Variants in RBFOX1 observed in about 807,000 individuals in gnomAD.
RBFOX1 encodes RNA binding fox-1 homolog 1.
RBFOX1 carries 8 observed loss-of-function variants against 57.7 expected under a neutral mutation model. That is an observed-to-expected ratio of 0.14 (90% CI 0.08 to 0.25). The LOEUF (loss-of-function observed/expected upper bound fraction) is 0.25. Among genes scored for constraint, RBFOX1 ranks in the 10% least tolerant of loss-of-function variants. The pLI is 1.00. For missense variants in RBFOX1, 611 were observed against 548.5 expected, an observed-to-expected ratio of 1.11 and a Z score of -1.14; for synonymous variants, 326 against 222.4, an observed-to-expected ratio of 1.47 and a Z score of -4.15.
At chr16:7,292,118 TATATA>T (rs1200765577) in intron 4 of RBFOX1, among the ~76,000 whole-genome samples, 165 of 76,912 alleles carry the variant, frequency 2.1e-3, no homozygotes, top group Non-Finnish European at 2.9e-3. Context: ...TTATGTATAA[TATATA>T]ATATATAATG....
chr16:7,275,866 A>G (rs1248014626), intron 4 of RBFOX1, among the ~76,000 whole-genome samples: 3 of 152,194 alleles, frequency 2.0e-5, no homozygotes, highest in Non-Finnish European at 4.4e-5. Context: ...ACCTGTGCAG[A>G]AGGATCTGAG....
intron 4 of RBFOX1, among the ~76,000 whole-genome samples, chr16:7,243,607 G>A (rs983165887): frequency 6.6e-6 from 1 of 152,122 alleles, no homozygotes; most frequent in Non-Finnish European, 1.5e-5. Context: ...TAATGCAGTG[G>A]CATGATAATA....
intron 1 of RBFOX1, among the ~76,000 whole-genome samples, chr16:5,444,094 G>GACCTTAATA (rs369069952): frequency 1.3e-5 from 2 of 151,844 alleles, no homozygotes; most frequent in East Asian, 1.9e-4. Context: ...TATTGGCAAA[G>GACCTTAATA]GTGACACTGA....
At chr16:7,599,861 T>A (rs945601824) in intron 9 of RBFOX1, among the ~76,000 whole-genome samples, 4 of 151,676 alleles carry the variant, frequency 2.6e-5, no homozygotes, top group Non-Finnish European at 4.4e-5. Flanking sequence ...GGTCTCGAAC[T>A]CCTGAGCTCA....
chr16:6,425,742 G>C (rs529782366), intron 2 of RBFOX1, among the ~76,000 whole-genome samples: 1 of 152,258 alleles, frequency 6.6e-6, no homozygotes, highest in African/African-American at 2.4e-5. Context: ...CGTTTTGATA[G>C]AGTTTGCAGA....
chr16:7,510,664 A>G (rs368395618), intron 4 of RBFOX1, among the ~76,000 whole-genome samples: 37 of 152,348 alleles, frequency 2.4e-4, no homozygotes, highest in African/African-American at 8.4e-4. Flanking sequence ...TCACTTCTGC[A>G]CAAGAGGGTT....
At chr16:6,483,417 GTGGGTGCCGTT>G (rs527816317) in intron 2 of RBFOX1, 1 of 1,535,322 alleles carries the variant, frequency 6.5e-7, no homozygotes, top group South Asian at 1.2e-5. Flanking sequence ...TTGCTAGCAC[GTGGGTGCCGTT>G]TGCTGTTGCC....
Position 6,440,292 on chromosome 16 carries a change from T to G in RBFOX1, c.-64+123235T>G, listed in dbSNP as rs561184766. Among the ~76,000 whole-genome samples the G allele has an allele frequency of 7.2e-5, 11 of 152,022 alleles. No homozygotes were observed. In the South Asian group the frequency reaches 1.9e-3, roughly 26 times the overall value. On this transcript the variant is annotated intron_variant, in intron 2 of 15. Transcript: ENST00000550418. ...GAAAGGTGTGGTACATGGCATGAAA[T>G]AGGATATTGAAGAGAAAATAAAGAA...
intron 3 of RBFOX1, among the ~76,000 whole-genome samples, chr16:6,702,172 C>G (rs1292657797): frequency 6.6e-6 from 1 of 152,200 alleles, no homozygotes; most frequent in Non-Finnish European, 1.5e-5. Flanking sequence ...CATAAGGGAT[C>G]TGCTCTACCA....
chr16:7,034,726 C>A (rs1000246632), intron 3 of RBFOX1, among the ~76,000 whole-genome samples: 4 of 151,340 alleles, frequency 2.6e-5, no homozygotes, highest in African/African-American at 7.3e-5. Context: ...ATCAGTGCCC[C>A]TGTAGATTTA....
intron 2 of RBFOX1, among the ~76,000 whole-genome samples, chr16:5,551,148 G>A (rs77497482): frequency 0.042 from 6,324 of 152,298 alleles, 175 homozygotes; most frequent in East Asian, 0.1. Flanking sequence ...GAGAGTTGAG[G>A]TGTTTTTCTT....
At chr16:6,650,783 A>C (rs1432360215) in intron 2 of RBFOX1, among the ~76,000 whole-genome samples, 1 of 152,168 alleles carries the variant, frequency 6.6e-6, no homozygotes, top group East Asian at 1.9e-4. Context: ...AGCTTCTCAT[A>C]TTAACCTTTC....
chr16:5,269,163 C>T (rs2062938481), intron 1 of RBFOX1, among the ~76,000 whole-genome samples: 2 of 75,672 alleles, frequency 2.6e-5, no homozygotes, highest in African/African-American at 9.0e-5. Context: ...GTGATACACC[C>T]ACCTTGGTCT....
At chr16:6,355,173 T>C (rs893163415) in intron 2 of RBFOX1, among the ~76,000 whole-genome samples, 1 of 152,216 alleles carries the variant, frequency 6.6e-6, no homozygotes, top group Non-Finnish European at 1.5e-5. Flanking sequence ...CTGGGGTACA[T>C]GTGCAGAACG....
chr16:6,113,564 A>C (rs2096467419), intron 1 of RBFOX1, among the ~76,000 whole-genome samples: 1 of 152,190 alleles, frequency 6.6e-6, no homozygotes, highest in African/African-American at 2.4e-5. Flanking sequence ...TCTTGAAGCA[A>C]AGGCAGAAAT....
At chr16:6,247,751 A>G (rs377470673) in intron 1 of RBFOX1, among the ~76,000 whole-genome samples, 7 of 152,322 alleles carry the variant, frequency 4.6e-5, no homozygotes, top group African/African-American at 1.7e-4. Context: ...CTTCCCCACC[A>G]GGCAAGGCTG....
At chr16:7,508,520 G>C (rs767393941) in intron 4 of RBFOX1, among the ~76,000 whole-genome samples, 11 of 152,128 alleles carry the variant, frequency 7.2e-5, no homozygotes, top group Non-Finnish European at 1.3e-4. Context: ...GTTAGAGAGG[G>C]GAGCTGACAC....
At chr16:7,550,456 A>G (rs947588612) in intron 5 of RBFOX1, among the ~76,000 whole-genome samples, 2 of 152,070 alleles carry the variant, frequency 1.3e-5, no homozygotes, top group Non-Finnish European at 2.9e-5. Context: ...GTGTTGTCCC[A>G]TTGAATGTCT....
intron 2 of RBFOX1, among the ~76,000 whole-genome samples, chr16:6,587,271 G>A (rs1040934045): frequency 1.4e-5 from 2 of 143,804 alleles, no homozygotes; most frequent in African/African-American, 5.0e-5. Context: ...AGATAATACA[G>A]TATTTTTCTG....
Sources: allele counts gnomAD v4.1 joint callset (sites outside exome capture counted in the v4.1 genomes callset), GRCh38; gene constraint gnomAD v4.1.1; transcripts MANE v1.5; gene names NCBI Gene and HGNC (gene_info 2026-07-23, HGNC 2026-07-21).